Variants in CHRNB2 observed in about 807,000 individuals in gnomAD.
CHRNB2 encodes the protein cholinergic receptor nicotinic beta 2 subunit.
Under a neutral mutation model 42.7 loss-of-function variants are expected in CHRNB2, and 33 were observed. That is an observed-to-expected ratio of 0.77 (90% CI 0.59 to 1.03). The LOEUF (loss-of-function observed/expected upper bound fraction) is 1.03, where lower values mean the gene tolerates loss of function less well. Ranked by LOEUF, CHRNB2 falls within the 50% of genes least tolerant of loss-of-function variation. The pLI is 0.00. For synonymous variants in CHRNB2, 325 were observed against 292.9 expected (o/e 1.11, Z -1.12); for missense variants, 603 against 700.9 (o/e 0.86, Z 1.58).
Position 154,576,123 on chromosome 1 carries a change from C to A in CHRNB2, c.*191C>A. The A allele has an allele frequency of 1.5e-6, 1 of 679,936 alleles. No homozygotes were observed. The highest frequency in any genetic ancestry group is 2.8e-5 in the East Asian group (1 of 36,230). 42.1% of individuals were successfully genotyped at this position (679,936 alleles called of 1,614,324 possible). ...CAGCAGCTCCAACCTGGAGGCTGGA[C>A]CAACTGCTTTGTTTTGGCTGCTCTC... On this transcript the variant is annotated 3_prime_UTR_variant, in exon 6 of 6. Coordinates refer to ENST00000368476, the MANE Select transcript of CHRNB2 (RefSeq NM_000748.3).
At position 154,575,967 on chromosome 1, in the gene CHRNB2, C is replaced by T; in HGVS notation, c.*35C>T. 1 of 1,612,756 alleles carries T rather than the reference C, an allele frequency of 6.2e-7. No individual in the cohort carries two copies. Among genetic ancestry groups the T allele is most frequent in the Non-Finnish European group, 8.5e-7 (1 of 1,179,302 alleles). On this transcript the variant is annotated 3_prime_UTR_variant, in exon 6 of 6. Transcript: ENST00000368476. ...TCATCTCCATGCTCTTTCACCCTGC[C>T]ACCCTCTGCTGCACAGTAGTGTTGG... is the stretch of plus-strand genomic sequence containing the variant.
At chr1:154,575,636 A>T in intron 5 of CHRNB2, 126 bp from the exon 6 acceptor site, 1 of 1,013,494 alleles carries the variant, frequency 9.9e-7, no homozygotes, top group Non-Finnish European at 1.5e-6. Context: ...ATGCTTTAAC[A>T]AGATCATTCT....
chr1:154,570,995 AC>A (rs777031315), intron 4 of CHRNB2, among the ~76,000 whole-genome samples, 193 bp from the exon 5 acceptor site: 46 of 150,992 alleles, frequency 3.0e-4, no homozygotes, highest in Non-Finnish European at 4.6e-4. Context: ...CTGGTCACTA[AC>A]CTTCCCCCCC....
Position 154,571,511 on chromosome 1 carries a change from A to G in CHRNB2, c.688A>G (p.Ile230Val). ...TYVDITYDFI[I>V]RRKPLFYTIN... ...CGTGGACATCACGTATGACTTCATC[A>G]TTCGCCGCAAGCCGCTCTTCTACAC... is the stretch of plus-strand genomic sequence containing the variant. Residue 230 changes from isoleucine (I) to valine (V), a missense_variant, in exon 5 of 6, where the codon ATT becomes GTT. This residue lies in a region of CHRNB2 where 333 missense variants were observed against 452.6 expected (regional missense o/e 0.74). Coordinates refer to ENST00000368476, the MANE Select transcript of CHRNB2 (RefSeq NM_000748.3). The surrounding 1 kb of genome is among the most constrained non-coding windows in gnomAD (Gnocchi z 6.8). The G allele has an allele frequency of 6.2e-7, 1 of 1,613,740 alleles. No homozygotes were observed. The highest frequency in any genetic ancestry group is 8.5e-7 in the Non-Finnish European group (1 of 1,179,924).
Position 154,571,398 on chromosome 1 carries a change from C to G in CHRNB2, c.575C>G (p.Ala192Gly). The change falls in exon 5 of 6, where the codon GCC becomes GGC. Residue 192 changes from alanine to glycine, a missense_variant. Coordinates refer to ENST00000368476, the MANE Select transcript of CHRNB2 (RefSeq NM_000748.3). This position sits in a 1 kb window ranked among gnomAD's most constrained non-coding sequence, Gnocchi z 6.8. Reference sequence around the variant, plus strand: ...GACTTGGTGCTGAAGAGTGAGGTGGCCAGCCTGGACGACTTCACACCTAGT... The same window carrying G: ...GACTTGGTGCTGAAGAGTGAGGTGGGCAGCCTGGACGACTTCACACCTAGT... ...EIDLVLKSEV[A>G]SLDDFTPSGE... 6.2e-7 allele frequency: 1 copy of G among 1,614,198 alleles called. No homozygotes were observed. The highest frequency in any genetic ancestry group is 8.5e-7 in the Non-Finnish European group (1 of 1,180,034).
Position 154,568,048 on chromosome 1 carries a change from G to C in CHRNB2, c.4G>C (p.Ala2Pro). 1 of 1,595,262 alleles carries C rather than the reference G, an allele frequency of 6.3e-7. No individual in the cohort carries two copies. Among genetic ancestry groups the C allele is most frequent in the Non-Finnish European group, 8.5e-7 (1 of 1,173,132 alleles). M[A>P]RRCGPVALLL... ...GGCAGCGAGCTATGCCCGCGGCATG[G>C]CCCGGCGCTGCGGCCCCGTGGCGCT... Residue 2 changes from alanine to proline, a missense_variant, in exon 1 of 6, where the codon GCC (alanine) becomes CCC (proline). Physicochemically the swap from Ala to Pro is conservative, Grantham distance 27. Coordinates refer to ENST00000368476, the MANE Select transcript of CHRNB2 (RefSeq NM_000748.3).
rs75760566 is a variant in CHRNB2 at position 154,571,347 on chromosome 1, C to T, written c.524C>T (p.Ser175Leu). Reference protein sequence around the residue: ...DQQNCTMKFRSWTYDRTEIDL... With the variant: ...DQQNCTMKFRLWTYDRTEIDL... ...CAGAACTGCACCATGAAGTTCCGTT[C>T]GTGGACCTACGACCGCACAGAGATC... Residue 175 changes from serine to leucine, a missense_variant, in exon 5 of 6, where the codon TCG (serine) becomes TTG (leucine). Ser to Leu is a moderately radical substitution (Grantham distance 145). Coordinates refer to ENST00000368476, the MANE Select transcript of CHRNB2 (RefSeq NM_000748.3). The surrounding 1 kb of genome is among the most constrained non-coding windows in gnomAD (Gnocchi z 6.8). The T allele has an allele frequency of 5.0e-6, 8 of 1,614,210 alleles. No homozygotes were observed. The South Asian group carries it at 6.6e-5, about 13-fold the overall frequency.
chr1:154,569,957 T>C, intron 3 of CHRNB2, 121 bp downstream of exon 3: 1 of 1,137,818 alleles, frequency 8.8e-7, no homozygotes, highest in Admixed American at 2.0e-5. Flanking sequence ...TTTGGAGTCC[T>C]AAACAATTGG....
At position 154,568,531 on chromosome 1, in the gene CHRNB2, C is replaced by T. The variant is rs1696103264; in HGVS notation, c.64+423C>T. On this transcript the variant is annotated intron_variant, in intron 1 of 5. Transcript: ENST00000368476. ...CCCCGGGCTCCCCATCGTTTCCCAT[C>T]CCCCACATTGGGCTCCAGATTCTCG... 2.0e-5 allele frequency among the ~76,000 whole-genome samples: 3 copies of T among 152,092 alleles called. No individual in the cohort carries two copies. The South Asian group carries it at 6.2e-4, about 32-fold the overall frequency.
chr1:154,572,346 G>T (rs960350051), intron 5 of CHRNB2, among the ~76,000 whole-genome samples, 185 bp downstream of exon 5: 3 of 152,336 alleles, frequency 2.0e-5, no homozygotes, highest in East Asian at 3.9e-4. Context: ...GCTTCCGGGA[G>T]ATTGTGCGGC....
At chr1:154,569,690 T>C in intron 2 of CHRNB2, 83 bp downstream of exon 2, 1 of 1,612,240 alleles carries the variant, frequency 6.2e-7, no homozygotes, top group African/African-American at 1.3e-5. Flanking sequence ...CTTCCTCCCC[T>C]GGTGTTTCCA....
rs1021704233 is a variant in CHRNB2 at position 154,576,447 on chromosome 1, T to G, written c.*515T>G. On this transcript the variant is annotated 3_prime_UTR_variant, in exon 6 of 6. Coordinates refer to ENST00000368476, the MANE Select transcript of CHRNB2 (RefSeq NM_000748.3). Reference sequence around the variant, plus strand: ...CTGCTTGAGTGGACAGCAGCTGGACTGGGTGGGCCCCACAGTGGTCAGCGA... The same window carrying G: ...CTGCTTGAGTGGACAGCAGCTGGACGGGGTGGGCCCCACAGTGGTCAGCGA... 2 of 238,588 alleles carry G rather than the reference T, an allele frequency of 8.4e-6. No individual in the cohort carries two copies. Among genetic ancestry groups the G allele is most frequent in the African/African-American group, 4.5e-5 (2 of 44,682 alleles). The allele number at this position is 238,588 out of a possible 1,614,324, so 14.8% of individuals were successfully genotyped here.
chr1:154,570,147 C>G (rs1571020787), intron 3 of CHRNB2, 111 bp from the exon 4 acceptor site: 1 of 778,438 alleles, frequency 1.3e-6, no homozygotes, highest in East Asian at 2.7e-5. Flanking sequence ...GGGGAAGAGG[C>G]TGGCTTTTAA....
At position 154,569,536 on chromosome 1, in the gene CHRNB2, C is replaced by CTAA. The variant is rs760313117; in HGVS notation, c.139_140insTAA (p.Arg47delinsLeuSer). ...TCCTTCCCGCTACAACAAGCTTATCCGCCCAGCCACCAATGGCTCTGAGCT... is the reference window on the plus strand; with the variant it reads ...TCCTTCCCGCTACAACAAGCTTATCCTAAGCCCAGCCACCAATGGCTCTGAGCT... On this transcript the variant is annotated protein_altering_variant, in exon 2 of 6. Transcript: ENST00000368476. 1 of 1,614,106 alleles carries CTAA rather than the reference C, an allele frequency of 6.2e-7. No homozygotes were observed. Among genetic ancestry groups the CTAA allele is most frequent in the Non-Finnish European group, 8.5e-7 (1 of 1,180,014 alleles).
chr1:154,570,293 A>G lies in CHRNB2; in HGVS notation c.291A>G (p.Glu97=). ...ATTATCGCCTCACCTGGAAGCCTGA[A>G]GAGTTTGACAACATGAAGAAAGTTC... ...WEDYRLTWKP[E]EFDNMKKVRL... The change falls in exon 4 of 6, where the codon GAA becomes GAG. Residue 97 remains glutamate (E), a synonymous_variant. Transcript: ENST00000368476. 1 of 1,612,796 alleles carries G rather than the reference A, an allele frequency of 6.2e-7. No individual in the cohort carries two copies.
Position 154,571,711 on chromosome 1 carries a change from C to T in CHRNB2, c.888C>T (p.Leu296=), listed in dbSNP as rs1403676023. Residue 296 remains leucine (L), a synonymous_variant, in exon 5 of 6, where the codon CTC becomes CTT. Transcript: ENST00000368476. This position sits in a 1 kb window ranked among gnomAD's most constrained non-coding sequence, Gnocchi z 6.8. ...CTCCCACCTCCCTCGACGTGCCGCT[C>T]GTCGGCAAGTACCTCATGTTCACCA... ...IVPPTSLDVP[L]VGKYLMFTMV... is the part of the protein sequence containing the mutation. The T allele has an allele frequency of 2.5e-6, 4 of 1,614,244 alleles. No homozygotes were observed. The highest frequency in any genetic ancestry group is 3.4e-6 in the Non-Finnish European group (4 of 1,180,036).
rs1386416276 is a variant in CHRNB2 at position 154,571,185 on chromosome 1, G to A, written c.366-4G>A. On this transcript the variant is annotated splice_region_variant and splice_polypyrimidine_tract_variant and intron_variant, in intron 4 of 5. Transcript: ENST00000368476. This position sits in a 1 kb window ranked among gnomAD's most constrained non-coding sequence, Gnocchi z 6.8. ...CAGGGCTGACTGTGCCCATCCTTTG[G>A]CAGTGCTGACGGCATGTACGAGGTG... 2 of 1,614,134 alleles carry A rather than the reference G, an allele frequency of 1.2e-6. No homozygotes were observed. Among genetic ancestry groups the A allele is most frequent in the Non-Finnish European group, 1.7e-6 (2 of 1,180,042 alleles).
intron 5 of CHRNB2, among the ~76,000 whole-genome samples, chr1:154,572,890 C>A (rs976443876): frequency 5.3e-5 from 8 of 152,092 alleles, no homozygotes; most frequent in Non-Finnish European, 1.5e-5. Context: ...TGAGACTGAG[C>A]CAAGAGTTGG....
intron 1 of CHRNB2, 118 bp downstream of exon 1, chr1:154,568,226 G>A (rs548708744): frequency 1.6e-6 from 2 of 1,255,544 alleles, no homozygotes; most frequent in African/African-American, 1.5e-5. Context: ...CCCTAGAGGT[G>A]GGGGAGTCTG....
Sources: gnomAD v4.1 joint callset for allele counts (sites outside exome capture counted in the v4.1 genomes callset) on GRCh38, gnomAD v4.1.1 for gene constraint, gnomAD v4.1.1 regional missense constraint, Gnocchi (gnomAD v3.1) non-coding constraint, MANE v1.5 for transcripts, NCBI Gene and HGNC (gene_info 2026-07-23, HGNC 2026-07-21) for gene names.